TMEM132D: variants seen among roughly 807,000 people sequenced by gnomAD.
The protein encoded by TMEM132D is mature OL transmembrane protein.
A neutral mutation model predicts 62.3 loss-of-function variants in TMEM132D; 21 were observed. That is an observed-to-expected ratio of 0.34 (90% confidence interval 0.24 to 0.49). The LOEUF is 0.49. Among genes scored for constraint, TMEM132D ranks in the 20% least tolerant of loss-of-function variants. TMEM132D has a pLI of 0.99. For synonymous variants in TMEM132D, 621 were observed against 575.6 expected, an observed-to-expected ratio of 1.08 and a Z score of -1.13; for missense variants, 1,346 against 1,402.8, an observed-to-expected ratio of 0.96 and a Z score of 0.65.
chr12:129,321,631 A>C (rs1485221970), intron 4 of TMEM132D, among the ~76,000 whole-genome samples: 3 of 151,290 alleles, frequency 2.0e-5, no homozygotes, highest in Non-Finnish European at 4.4e-5. Context: ...ATCTCAGCTC[A>C]CTGCAAGCTC....
chr12:129,104,172 TG>T (rs765988272), intron 5 of TMEM132D, among the ~76,000 whole-genome samples: 16 of 150,828 alleles, frequency 1.1e-4, no homozygotes, highest in South Asian at 6.4e-4. Flanking sequence ...CAAAACAGCA[TG>T]GTACTGGTAC....
At chr12:129,750,835 A>AC (rs1869977070) in intron 1 of TMEM132D, among the ~76,000 whole-genome samples, 1 of 151,748 alleles carries the variant, frequency 6.6e-6, no homozygotes, top group Non-Finnish European at 1.5e-5. Context: ...AGGTTTTTGG[A>AC]TGTTTGCCTC....
At chr12:129,378,212 G>A (rs77607212) in intron 3 of TMEM132D, among the ~76,000 whole-genome samples, 14,542 of 152,300 alleles carry the variant, frequency 0.095, 989 homozygotes, top group South Asian at 0.24. Flanking sequence ...GTAATTAAAA[G>A]ATGAGAAGAT....
chr12:129,463,438 CTATT>C (rs34072279), intron 3 of TMEM132D, among the ~76,000 whole-genome samples: 345 of 146,050 alleles, frequency 2.4e-3, no homozygotes, highest in Middle Eastern at 7.1e-3. Context: ...GATCCCTGTC[CTATT>C]TATTTATTTA....
At chr12:129,568,815 C>T (rs116661604) in intron 2 of TMEM132D, among the ~76,000 whole-genome samples, 288 of 152,264 alleles carry the variant, frequency 1.9e-3, no homozygotes, top group African/African-American at 6.7e-3. Flanking sequence ...AAACCACATT[C>T]AACCATAGAT....
intron 2 of TMEM132D, among the ~76,000 whole-genome samples, chr12:129,649,011 G>A (rs1879857349): frequency 6.6e-6 from 1 of 152,174 alleles, no homozygotes; most frequent in African/African-American, 2.4e-5. Context: ...CCAGATGGCA[G>A]GATGCTGGGT....
chr12:129,496,719 C>A (rs1409125529), intron 3 of TMEM132D, among the ~76,000 whole-genome samples: 4 of 151,830 alleles, frequency 2.6e-5, no homozygotes, highest in Non-Finnish European at 5.9e-5. Flanking sequence ...AATAAAAATG[C>A]AAAAGGCTTG....
chr12:129,877,613 G>GCGCACACACACACA (rs1555238201), intron 1 of TMEM132D, among the ~76,000 whole-genome samples: 1 of 144,308 alleles, frequency 6.9e-6, no homozygotes, highest in Admixed American at 6.9e-5. Context: ...GCGCGCGCGC[G>GCGCACACACACACA]CACACACACA....
intron 3 of TMEM132D, among the ~76,000 whole-genome samples, chr12:129,412,134 TTC>T (rs911728331): frequency 1.6e-4 from 25 of 151,630 alleles, no homozygotes; most frequent in Non-Finnish European, 3.4e-4. Flanking sequence ...TACAAAATAT[TTC>T]TCTGTCATTC....
At chr12:129,888,233 A>G (rs1874806270) in intron 1 of TMEM132D, among the ~76,000 whole-genome samples, 1 of 152,246 alleles carries the variant, frequency 6.6e-6, no homozygotes, top group Admixed American at 6.5e-5. Context: ...GAAAAATTAC[A>G]ATCATTGAAA....
intron 5 of TMEM132D, among the ~76,000 whole-genome samples, chr12:129,127,702 A>G (rs2135523268): frequency 6.6e-6 from 1 of 152,240 alleles, no homozygotes; most frequent in Non-Finnish European, 1.5e-5. Flanking sequence ...CAACAAAACC[A>G]TGACGAGTAT....
chr12:129,860,872 C>T (rs1188284622), intron 1 of TMEM132D, among the ~76,000 whole-genome samples: 1 of 152,172 alleles, frequency 6.6e-6, no homozygotes, highest in East Asian at 1.9e-4. Flanking sequence ...CTCATGAGAA[C>T]TTACTCAGTA....
At chr12:129,520,621 A>G (rs1875822381) in intron 3 of TMEM132D, among the ~76,000 whole-genome samples, 1 of 152,230 alleles carries the variant, frequency 6.6e-6, no homozygotes, top group Non-Finnish European at 1.5e-5. Context: ...GAGTTTCAGG[A>G]AACCTGGACC....
At position 129,745,350 on chromosome 12, in the gene TMEM132D, A is replaced by G. The variant is rs192630676; in HGVS notation, c.80-44652T>C. 1.2e-3 allele frequency among the ~76,000 whole-genome samples: 190 copies of G among 152,290 alleles called. 1 individual carries two copies. The highest frequency in any genetic ancestry group is 4.4e-3 in the African/African-American group (181 of 41,568). On this transcript the variant is annotated intron_variant, in intron 1 of 8. Coordinates refer to ENST00000422113, the MANE Select transcript of TMEM132D (RefSeq NM_133448.3). ...TGGCAGTGACTCTTCCAAAGTCAACACCCGCAAATGCGGATGTGGTCATTG... is the reference window on the plus strand; with the variant it reads ...TGGCAGTGACTCTTCCAAAGTCAACGCCCGCAAATGCGGATGTGGTCATTG...
intron 4 of TMEM132D, among the ~76,000 whole-genome samples, chr12:129,213,488 C>T (rs1170645842): frequency 6.8e-6 from 1 of 147,920 alleles, no homozygotes; most frequent in Admixed American, 6.9e-5. Context: ...CAGAGCGAGG[C>T]CTTCTCTCAA....
intron 5 of TMEM132D, among the ~76,000 whole-genome samples, chr12:129,156,302 C>G (rs372634825): frequency 3.3e-5 from 5 of 151,704 alleles, no homozygotes; most frequent in African/African-American, 1.2e-4. Context: ...CCTGTGATAC[C>G]CAACCCACTT....
At chr12:129,337,869 C>CACGCTTGGCAGAGAGTGGGCG in intron 3 of TMEM132D, 52 bp from the exon 4 acceptor site, 1 of 1,529,558 alleles carries the variant, frequency 6.5e-7, no homozygotes, top group South Asian at 1.3e-5. Flanking sequence ...TGAGGTATGG[C>CACGCTTGGCAGAGAGTGGGCG]ACGCTTGGCA....
intron 3 of TMEM132D, among the ~76,000 whole-genome samples, chr12:129,419,055 CT>C (rs1872218186): frequency 6.6e-6 from 1 of 152,304 alleles, no homozygotes; most frequent in East Asian, 1.9e-4. Context: ...TTTCAGACTT[CT>C]AGTTTTCAGA....
chr12:129,272,140 A>G (rs1198074882), intron 4 of TMEM132D, among the ~76,000 whole-genome samples: 1 of 151,850 alleles, frequency 6.6e-6, no homozygotes, highest in Non-Finnish European at 1.5e-5. Context: ...CAATGAGGAA[A>G]AGAATACCCA....
Sources: gnomAD v4.1 joint callset for allele counts (sites outside exome capture counted in the v4.1 genomes callset) on GRCh38, gnomAD v4.1.1 for gene constraint, MANE v1.5 for transcripts, NCBI Gene and HGNC (gene_info 2026-07-23, HGNC 2026-07-21) for gene names.